XPO7: variants seen among roughly 807,000 people sequenced by gnomAD.
XPO7 encodes exportin-7.
XPO7 carries 21 observed loss-of-function variants against 144.3 expected under a neutral mutation model. That is an observed-to-expected ratio of 0.15 (90% confidence interval 0.10 to 0.21). The LOEUF (loss-of-function observed/expected upper bound fraction) is 0.21, where lower values mean the gene tolerates loss of function less well. Ranked by LOEUF, XPO7 falls within the 10% of genes least tolerant of loss-of-function variation. The pLI is 1.00. For missense variants in XPO7, 808 were observed against 1,325.8 expected (o/e 0.61, Z 6.06); for synonymous variants, 580 against 499.6 (o/e 1.16, Z -2.15).
chr8:21,966,858 G>C lies in XPO7; in HGVS notation c.20G>C (p.Ser7Thr). 6.2e-7 allele frequency: 1 copy of C among 1,611,224 alleles called. No individual in the cohort carries two copies. The highest frequency in any genetic ancestry group is 8.5e-7 in the Non-Finnish European group (1 of 1,178,142). Residue 7 changes from serine (S) to threonine (T), a missense_variant and splice_region_variant, in exon 2 of 28, where the codon AGC becomes ACC. This residue lies in a region of XPO7 where 223 missense variants were observed against 368.8 expected (regional missense o/e 0.60). Coordinates refer to ENST00000252512, the MANE Select transcript of XPO7 (RefSeq NM_015024.5). Reference protein sequence around the residue: MADHVQSLAQLENLCKQ... With the variant: MADHVQTLAQLENLCKQ... ...TCTTTCCTGACTGATCTTTTCCAGA[G>C]CCTGGCCCAACTAGAGAATCTGTGC...
intron 16 of XPO7, among the ~76,000 whole-genome samples, 186 bp from the exon 17 acceptor site, chr8:21,990,158 G>A (rs965620755): frequency 1.3e-5 from 2 of 151,840 alleles, no homozygotes; most frequent in Non-Finnish European, 2.9e-5. Flanking sequence ...CAGTATAGGT[G>A]TTTTCTTACT....
chr8:21,939,678 A>C (rs1810931377), intron 1 of XPO7, among the ~76,000 whole-genome samples: 3 of 152,216 alleles, frequency 2.0e-5, no homozygotes, highest in African/African-American at 7.2e-5. Flanking sequence ...TATCAGGAAA[A>C]CAGTATCTCC....
intron 18 of XPO7, 32 bp from the exon 19 acceptor site, chr8:21,991,836 T>C: frequency 6.4e-7 from 1 of 1,557,646 alleles, no homozygotes; most frequent in Non-Finnish European, 8.8e-7. Context: ...TTCTTGGTAT[T>C]GGGGTTACAC....
At position 21,982,770 on chromosome 8, in the gene XPO7, C is replaced by G; in HGVS notation, c.1235C>G (p.Ala412Gly). 2.5e-6 allele frequency: 4 copies of G among 1,613,590 alleles called. No individual in the cohort carries two copies. The highest frequency in any genetic ancestry group is 3.4e-6 in the Non-Finnish European group (4 of 1,179,758). Reference protein sequence around the residue: ...LETYTPEVTKAYITSRLESVH... With the variant: ...LETYTPEVTKGYITSRLESVH... ...ACTTACACTCCTGAGGTCACCAAAG[C>G]CTACATCACATCCCGGTTGGAATCT... The change falls in exon 11 of 28, where the codon GCC becomes GGC. Residue 412 changes from alanine to glycine, a missense_variant. Transcript: ENST00000252512.
At chr8:22,004,095 G>A in intron 27 of XPO7, 65 bp downstream of exon 27, 2 of 1,597,604 alleles carry the variant, frequency 1.3e-6, no homozygotes, top group Non-Finnish European at 1.7e-6. Context: ...AACGAAACAG[G>A]CAGTTGCTTT....
chr8:21,984,808 C>T lies in XPO7; in HGVS notation c.1440C>T (p.Ser480=), dbSNP rs747002683. ...QSYQELLQSA[S]ASPMDIAVQE... The stretch of plus-strand genomic sequence containing the variant: ...ACCAGGAGCTGCTACAGAGCGCCAG[C>T]GCAAGCCCAATGGACATTGCAGTGC... The change falls in exon 12 of 28, where the codon AGC becomes AGT. Residue 480 remains serine (S), a synonymous_variant. Coordinates refer to ENST00000252512, the MANE Select transcript of XPO7 (RefSeq NM_015024.5). 1.2e-5 allele frequency: 19 copies of T among 1,613,844 alleles called. No homozygotes were observed. The highest frequency in any genetic ancestry group is 6.6e-5 in the South Asian group (6 of 91,092).
At chr8:21,977,917 G>GT in intron 8 of XPO7, 74 bp downstream of exon 8, 1 of 1,314,138 alleles carries the variant, frequency 7.6e-7, no homozygotes, top group Non-Finnish European at 1.1e-6. Flanking sequence ...CCTTATATTC[G>GT]TTTTGTTTTA....
chr8:22,004,775 G>C (rs1813267203), intron 27 of XPO7, among the ~76,000 whole-genome samples: 1 of 151,962 alleles, frequency 6.6e-6, no homozygotes, highest in South Asian at 2.1e-4. Context: ...GATTTCTTTT[G>C]TGCTGCCATG....
chr8:21,989,138 T>C, intron 16 of XPO7, 55 bp downstream of exon 16: 1 of 1,499,064 alleles, frequency 6.7e-7, no homozygotes. Context: ...TGCCACAGTC[T>C]TAGAATCATG....
At chr8:21,957,741 C>G (rs1811586246) in intron 1 of XPO7, among the ~76,000 whole-genome samples, 1 of 152,218 alleles carries the variant, frequency 6.6e-6, no homozygotes, top group African/African-American at 2.4e-5. Context: ...GTGTGCCAGA[C>G]ACTCTTGTAC....
At chr8:21,939,217 T>C (rs1810913839) in intron 1 of XPO7, among the ~76,000 whole-genome samples, 1 of 111,686 alleles carries the variant, frequency 9.0e-6, no homozygotes, top group African/African-American at 3.9e-5. Context: ...TGGATTTCTT[T>C]TTCTTTTCTT....
At chr8:21,989,751 C>A (rs895719348) in intron 16 of XPO7, among the ~76,000 whole-genome samples, 2 of 141,816 alleles carry the variant, frequency 1.4e-5, no homozygotes, top group Admixed American at 1.5e-4. Context: ...TTAGACTATT[C>A]ATGATTATTT....
rs1812555951 is a variant in XPO7 at position 21,985,707 on chromosome 8, A to C, written c.1577+16A>C. On this transcript the variant is annotated intron_variant, in intron 13 of 27. Coordinates refer to ENST00000252512, the MANE Select transcript of XPO7 (RefSeq NM_015024.5). Reference sequence around the variant, plus strand: ...TTGTCTGTCGGTAAGTGCTCCCCACAGAAGCTCTCCACTCTGCCTTGCTGG... The same window carrying C: ...TTGTCTGTCGGTAAGTGCTCCCCACCGAAGCTCTCCACTCTGCCTTGCTGG... The C allele has an allele frequency of 1.2e-6, 2 of 1,610,148 alleles. No homozygotes were observed. Among genetic ancestry groups the C allele is most frequent in the South Asian group, 1.1e-5 (1 of 90,980 alleles).
chr8:21,932,142 G>A (rs1292445214), intron 1 of XPO7, among the ~76,000 whole-genome samples: 6 of 152,110 alleles, frequency 3.9e-5, no homozygotes, highest in Admixed American at 3.9e-4. Flanking sequence ...TGCTGAGATT[G>A]CAGGCGTGAG....
chr8:21,922,838 T>A (rs973859930), intron 1 of XPO7, among the ~76,000 whole-genome samples: 2 of 152,214 alleles, frequency 1.3e-5, no homozygotes, highest in Non-Finnish European at 2.9e-5. Context: ...TATTATTTAC[T>A]GGGCTTTGCA....
chr8:21,972,375 A>G (rs1269589379), intron 5 of XPO7, among the ~76,000 whole-genome samples: 4 of 152,126 alleles, frequency 2.6e-5, no homozygotes, highest in African/African-American at 9.7e-5. Flanking sequence ...GCGACTTGGG[A>G]GACAGGCAGG....
chr8:21,960,385 C>A (rs189785637), intron 1 of XPO7, among the ~76,000 whole-genome samples: 1 of 152,314 alleles, frequency 6.6e-6, no homozygotes, highest in East Asian at 1.9e-4. Context: ...GGAATCCAAG[C>A]CAGTTTCTGG....
At chr8:21,980,748 T>A (rs368972319) in intron 9 of XPO7, among the ~76,000 whole-genome samples, 159 of 151,728 alleles carry the variant, frequency 1.0e-3, no homozygotes, top group African/African-American at 3.7e-3. Flanking sequence ...GCACTCCAGC[T>A]TGGGCGACAG....
intron 14 of XPO7, 138 bp downstream of exon 14, chr8:21,987,414 T>C (rs1812615433): frequency 7.7e-7 from 1 of 1,292,784 alleles, no homozygotes. Flanking sequence ...TCTCTTAGTC[T>C]TTAAATTCTG....
Sources: gnomAD v4.1 joint callset for allele counts (sites outside exome capture counted in the v4.1 genomes callset) on GRCh38, gnomAD v4.1.1 for gene constraint, gnomAD v4.1.1 regional missense constraint, MANE v1.5 for transcripts, NCBI Gene and HGNC (gene_info 2026-07-23, HGNC 2026-07-21) for gene names.